Variants in FHIT observed in about 807,000 individuals in gnomAD.
The protein encoded by FHIT is fragile histidine triad diadenosine triphosphatase.
A neutral mutation model predicts 17.9 loss-of-function variants in FHIT; 19 were observed. That is an observed-to-expected ratio of 1.06 (90% CI 0.74 to 1.56). The LOEUF is 1.56. FHIT is among the 40% of genes most tolerant of loss of function. FHIT has a pLI of 0.00. For synonymous variants in FHIT, 81 were observed against 69.7 expected (o/e 1.16, Z -0.81); for missense variants, 248 against 189.2 (o/e 1.31, Z -1.82).
intron 1 of FHIT, among the ~76,000 whole-genome samples, chr3:61,206,669 G>C (rs1397027163): frequency 6.6e-6 from 1 of 151,926 alleles, no homozygotes; most frequent in Non-Finnish European, 1.5e-5. Context: ...CATTGATTTT[G>C]TATCCTGAGA....
chr3:60,695,212 T>C (rs1211268722), intron 4 of FHIT, among the ~76,000 whole-genome samples: 3 of 152,026 alleles, frequency 2.0e-5, no homozygotes, highest in African/African-American at 4.8e-5. Context: ...CTGGCCAAAA[T>C]GGCAAAAGCC....
intron 8 of FHIT, among the ~76,000 whole-genome samples, chr3:59,831,772 G>C (rs1701172778): frequency 6.6e-6 from 1 of 152,024 alleles, no homozygotes; most frequent in South Asian, 2.1e-4. Context: ...AACCAGACCA[G>C]TTAAGGTGGA....
intron 4 of FHIT, among the ~76,000 whole-genome samples, chr3:60,789,747 T>C (rs1159335998): frequency 6.6e-6 from 1 of 151,994 alleles, no homozygotes; most frequent in South Asian, 2.1e-4. Context: ...AGGATGAAAA[T>C]AGAAAGACAC....
intron 2 of FHIT, among the ~76,000 whole-genome samples, chr3:61,132,415 G>A (rs903652019): frequency 6.6e-6 from 1 of 152,202 alleles, no homozygotes; most frequent in Admixed American, 6.5e-5. Context: ...TGGGAAGGAA[G>A]AGATGAGCAC....
chr3:59,943,061 G>A (rs1706610313), intron 7 of FHIT, among the ~76,000 whole-genome samples: 3 of 151,990 alleles, frequency 2.0e-5, no homozygotes, highest in South Asian at 4.1e-4. Flanking sequence ...CTGCTCTCCT[G>A]TTATATTACT....
chr3:60,869,077 A>G (rs782383989), intron 3 of FHIT, among the ~76,000 whole-genome samples: 6 of 152,174 alleles, frequency 3.9e-5, no homozygotes, highest in Non-Finnish European at 8.8e-5. Flanking sequence ...ACCTAAGGAA[A>G]GATTCTGGCA....
intron 5 of FHIT, among the ~76,000 whole-genome samples, chr3:60,262,144 T>G (rs1405698335): frequency 1.3e-5 from 2 of 152,104 alleles, no homozygotes; most frequent in Non-Finnish European, 1.5e-5. Context: ...TCATAGTGTC[T>G]CAGTCATGAG....
At chr3:60,602,908 C>A (rs1038402968) in intron 4 of FHIT, among the ~76,000 whole-genome samples, 1 of 152,108 alleles carries the variant, frequency 6.6e-6, no homozygotes, top group African/African-American at 2.4e-5. Flanking sequence ...AGAAAGCAAG[C>A]CTTTGCCAGA....
chr3:59,752,156 G>C, intron 9 of FHIT, 65 bp downstream of exon 9: 2 of 1,154,746 alleles, frequency 1.7e-6, no homozygotes, highest in Middle Eastern at 2.0e-4. Flanking sequence ...TCCCCATTCT[G>C]AGAGTGCAGC....
chr3:60,156,806 T>C (rs1168187021), intron 5 of FHIT, among the ~76,000 whole-genome samples: 1 of 152,152 alleles, frequency 6.6e-6, no homozygotes, highest in Admixed American at 6.5e-5. Flanking sequence ...ATAATGCCAA[T>C]CTATTCCTCT....
At chr3:60,327,741 C>G (rs1023924730) in intron 5 of FHIT, among the ~76,000 whole-genome samples, 2 of 152,090 alleles carry the variant, frequency 1.3e-5, no homozygotes, top group African/African-American at 4.8e-5. Context: ...AGAGTTTGTC[C>G]TCAGTGACTG....
At chr3:60,148,070 T>G (rs1700314393) in intron 5 of FHIT, among the ~76,000 whole-genome samples, 1 of 152,174 alleles carries the variant, frequency 6.6e-6, no homozygotes, top group Non-Finnish European at 1.5e-5. Flanking sequence ...AAATGTTGCC[T>G]GGTAAGACTA....
At chr3:60,236,470 T>A (rs935183519) in intron 5 of FHIT, among the ~76,000 whole-genome samples, 2 of 152,082 alleles carry the variant, frequency 1.3e-5, no homozygotes, top group Non-Finnish European at 2.9e-5. Context: ...CCCAGTAGAA[T>A]TTTTCTATTC....
At chr3:59,836,592 C>A (rs1168316527) in intron 8 of FHIT, among the ~76,000 whole-genome samples, 3 of 152,174 alleles carry the variant, frequency 2.0e-5, no homozygotes, top group Non-Finnish European at 4.4e-5. Flanking sequence ...AACTTCAGAA[C>A]CTTGCCTTTT....
rs1014213163 is a variant in FHIT at position 60,513,956 on chromosome 3, G to A, written c.103+22904C>T. Reference sequence around the variant, plus strand: ...GGAGAGAAGTGTCTGAACGTGGAGAGGACAAGAGGCAGCTGGACATCGGAG... The same window carrying A: ...GGAGAGAAGTGTCTGAACGTGGAGAAGACAAGAGGCAGCTGGACATCGGAG... On this transcript the variant is annotated intron_variant, in intron 5 of 9. Coordinates refer to ENST00000492590, the MANE Select transcript of FHIT (RefSeq NM_002012.4). 2.6e-5 allele frequency among the ~76,000 whole-genome samples: 4 copies of A among 152,180 alleles called. No individual in the cohort carries two copies. In the South Asian group the frequency reaches 6.2e-4, roughly 24 times the overall value.
At chr3:60,751,958 T>C (rs1228115220) in intron 4 of FHIT, among the ~76,000 whole-genome samples, 1 of 152,250 alleles carries the variant, frequency 6.6e-6, no homozygotes, top group Non-Finnish European at 1.5e-5. Flanking sequence ...GATGTAGATG[T>C]ATATTTATCA....
At chr3:61,148,891 A>G (rs2037304262) in intron 2 of FHIT, among the ~76,000 whole-genome samples, 1 of 152,242 alleles carries the variant, frequency 6.6e-6, no homozygotes, top group African/African-American at 2.4e-5. Flanking sequence ...TCATACTCCT[A>G]GATGAAGAGT....
At chr3:61,119,257 C>T (rs1173297378) in intron 2 of FHIT, among the ~76,000 whole-genome samples, 2 of 151,794 alleles carry the variant, frequency 1.3e-5, no homozygotes, top group Non-Finnish European at 2.9e-5. Context: ...CTAGCTCTGT[C>T]GCCCAGGCTG....
intron 4 of FHIT, among the ~76,000 whole-genome samples, chr3:60,602,948 A>G (rs1553669368): frequency 1.3e-5 from 2 of 152,148 alleles, no homozygotes; most frequent in Non-Finnish European, 2.9e-5. Flanking sequence ...TTGATCTTAG[A>G]CTTCCCAGTC....
Sources: allele counts gnomAD v4.1 joint callset (sites outside exome capture counted in the v4.1 genomes callset), GRCh38; gene constraint gnomAD v4.1.1; transcripts MANE v1.5; gene names NCBI Gene and HGNC (gene_info 2026-07-23, HGNC 2026-07-21).